Variants in ZNF536 observed in about 807,000 individuals in gnomAD.
ZNF536 encodes zinc finger protein 536.
In ZNF536, 13 loss-of-function variants were observed where a neutral mutation model predicts 84.5. The ratio of observed to expected loss-of-function variants is 0.15; its 90% CI spans 0.10 to 0.24. The LOEUF is 0.24. Ranked by LOEUF, ZNF536 falls within the 10% of genes least tolerant of loss-of-function variation. The pLI, the probability that ZNF536 is intolerant of heterozygous loss-of-function variation, is 1.00. For synonymous variants in ZNF536, 811 were observed against 742.5 expected (o/e 1.09, Z -1.50); for missense variants, 1,536 against 1,747.5 (o/e 0.88, Z 2.16).
intron 1 of ZNF536, among the ~76,000 whole-genome samples, chr19:30,618,801 T>A (rs1017290386): frequency 6.6e-5 from 10 of 152,156 alleles, no homozygotes; most frequent in African/African-American, 2.2e-4. Flanking sequence ...GGATTCTTTT[T>A]TTTTCCTTGA....
intron 1 of ZNF536, among the ~76,000 whole-genome samples, chr19:30,704,258 A>G (rs1352368675): frequency 6.6e-6 from 1 of 152,206 alleles, no homozygotes; most frequent in Non-Finnish European, 1.5e-5. Flanking sequence ...ATTGATGGAC[A>G]TTAGCATCTT....
At chr19:30,369,785 C>A (rs1021955444), upstream of ZNF536, among the ~76,000 whole-genome samples, 1 of 151,634 alleles carries the variant, frequency 6.6e-6, no homozygotes, top group Non-Finnish European at 1.5e-5. Flanking sequence ...TCAGTGGCTG[C>A]AATCAGAATA....
chr19:30,396,593 T>C (rs920536016), intron 1 of ZNF536, among the ~76,000 whole-genome samples: 1 of 1,440 alleles, frequency 6.9e-4, no homozygotes. Context: ...GGGCTCTCTC[T>C]TTTTTTTTTT....
chr19:30,583,730 C>G (rs550784692), intron 1 of ZNF536, among the ~76,000 whole-genome samples: 2 of 152,242 alleles, frequency 1.3e-5, no homozygotes, highest in South Asian at 2.1e-4. Flanking sequence ...GGCACAGTGA[C>G]TAGCACAGAG....
At chr19:30,363,451 G>A (rs1022049768) in intron 3 of ZNF536, among the ~76,000 whole-genome samples, 4 of 151,994 alleles carry the variant, frequency 2.6e-5, no homozygotes, top group Non-Finnish European at 4.4e-5. Context: ...AGTAAGGTGC[G>A]CACTTTTTCA....
At chr19:30,483,718 C>T (rs2054181892) in intron 2 of ZNF536, among the ~76,000 whole-genome samples, 2 of 152,156 alleles carry the variant, frequency 1.3e-5, no homozygotes, top group South Asian at 4.1e-4. Context: ...CCCCAGATCT[C>T]TGGAAGGATC....
intron 2 of ZNF536, among the ~76,000 whole-genome samples, chr19:30,343,645 T>C (rs775282338): frequency 6.6e-5 from 10 of 152,220 alleles, no homozygotes; most frequent in Non-Finnish European, 2.9e-5. Flanking sequence ...ATGTGCGTGA[T>C]TTTCATCATA....
chr19:30,396,944 A>G (rs2049849175), intron 1 of ZNF536, among the ~76,000 whole-genome samples: 1 of 152,120 alleles, frequency 6.6e-6, no homozygotes, highest in Non-Finnish European at 1.5e-5. Flanking sequence ...ACCTCAGGCC[A>G]GCTAGGCACC....
chr19:30,279,398 C>G (rs1365002988), intron 1 of ZNF536, among the ~76,000 whole-genome samples: 3 of 152,022 alleles, frequency 2.0e-5, no homozygotes, highest in Admixed American at 1.3e-4. Flanking sequence ...AGAAAGCTCC[C>G]TGGGAGCTTT....
chr19:30,349,427 A>T (rs147489422), intron 2 of ZNF536, among the ~76,000 whole-genome samples: 5 of 152,268 alleles, frequency 3.3e-5, no homozygotes, highest in Non-Finnish European at 7.4e-5. Flanking sequence ...ACTGGAGTTA[A>T]CTTCCAAGGT....
intron 1 of ZNF536, among the ~76,000 whole-genome samples, chr19:30,655,142 T>C (rs2049860478): frequency 6.6e-6 from 1 of 152,232 alleles, no homozygotes; most frequent in Non-Finnish European, 1.5e-5. Context: ...ATTTGGCTGC[T>C]GGTTAAATAA....
chr19:30,475,162 C>A (rs1428728599), intron 2 of ZNF536, among the ~76,000 whole-genome samples: 5 of 152,172 alleles, frequency 3.3e-5, no homozygotes, highest in African/African-American at 1.2e-4. Context: ...CTCACTGCAA[C>A]CTTCGTCTCC....
intron 4 of ZNF536, among the ~76,000 whole-genome samples, chr19:30,552,846 A>G (rs1331036542): frequency 6.6e-6 from 1 of 152,136 alleles, no homozygotes; most frequent in African/African-American, 2.4e-5. Flanking sequence ...AGCTCTTTCC[A>G]CAGAGGACAG....
intron 1 of ZNF536, among the ~76,000 whole-genome samples, chr19:30,569,158 G>A (rs2046450569): frequency 6.6e-6 from 1 of 152,108 alleles, no homozygotes; most frequent in Non-Finnish European, 1.5e-5. Flanking sequence ...GTGTGCAATT[G>A]TTGAAATCCC....
intron 1 of ZNF536, among the ~76,000 whole-genome samples, chr19:30,246,088 C>T (rs2024256004): frequency 6.6e-6 from 1 of 152,172 alleles, no homozygotes. Context: ...GTGAGCCGCT[C>T]ATCTGACTGA....
chr19:30,261,297 CAAAAAAAAA>C (rs66862950), intron 1 of ZNF536, among the ~76,000 whole-genome samples: 3 of 23,576 alleles, frequency 1.3e-4, no homozygotes, highest in Non-Finnish European at 2.5e-4. Flanking sequence ...GACTCCGTCT[CAAAAAAAAA>C]AAAAAAAAAA....
intron 2 of ZNF536, among the ~76,000 whole-genome samples, chr19:30,505,506 G>A (rs559947136): frequency 6.7e-6 from 1 of 149,532 alleles, no homozygotes; most frequent in East Asian, 1.9e-4. Flanking sequence ...TATATCTAAT[G>A]TATATTAGAT....
At chr19:30,526,134 A>T (rs965117369) in intron 2 of ZNF536, among the ~76,000 whole-genome samples, 1 of 152,142 alleles carries the variant, frequency 6.6e-6, no homozygotes, top group Non-Finnish European at 1.5e-5. Context: ...TCCCACAGAG[A>T]AGAGACAGGT....
chr19:30,473,365 C>T (rs1332348889), intron 2 of ZNF536, among the ~76,000 whole-genome samples: 1 of 151,988 alleles, frequency 6.6e-6, no homozygotes, highest in African/African-American at 2.4e-5. Flanking sequence ...GTCCCATGGC[C>T]CCAGAGTATG....
Sources: allele counts gnomAD v4.1 joint callset (sites outside exome capture counted in the v4.1 genomes callset), GRCh38; gene constraint gnomAD v4.1.1; transcripts MANE v1.5; gene names NCBI Gene and HGNC (gene_info 2026-07-23, HGNC 2026-07-21).